ADCY2: variants seen among roughly 807,000 people sequenced by gnomAD.
ADCY2 encodes adenylate cyclase type 2.
ADCY2 carries 31 observed loss-of-function variants against 125.2 expected under a neutral mutation model. That is an observed-to-expected ratio of 0.25 (90% CI 0.19 to 0.33). The LOEUF is 0.33. Among genes scored for constraint, ADCY2 ranks in the 10% least tolerant of loss-of-function variants. The pLI, the probability that ADCY2 is intolerant of heterozygous loss-of-function variation, is 1.00. For missense variants in ADCY2, 904 were observed against 1,418.2 expected, an observed-to-expected ratio of 0.64 and a Z score of 5.82; for synonymous variants, 512 against 548.4, an observed-to-expected ratio of 0.93 and a Z score of 0.93.
chr5:7,805,672 G>A (rs1026098594), intron 22 of ADCY2, among the ~76,000 whole-genome samples: 1 of 152,104 alleles, frequency 6.6e-6, no homozygotes, highest in Non-Finnish European at 1.5e-5. Context: ...TACCATGTAT[G>A]AGCCCCTCTC....
intron 4 of ADCY2, among the ~76,000 whole-genome samples, chr5:7,660,239 A>AGAAGGAAAGAAGGAAG (rs1459400217): frequency 3.0e-4 from 30 of 101,330 alleles, no homozygotes; most frequent in African/African-American, 1.1e-3. Context: ...AGGGAGGGAG[A>AGAAGGAAAGAAGGAAG]GAAGGAAGGA....
chr5:7,580,221 A>C (rs144299639), intron 3 of ADCY2, among the ~76,000 whole-genome samples: 100 of 152,302 alleles, frequency 6.6e-4, no homozygotes, highest in Non-Finnish European at 1.1e-3. Context: ...CATGTAAAAA[A>C]ACAAAAACCT....
At chr5:7,542,390 A>G (rs73046398) in intron 3 of ADCY2, among the ~76,000 whole-genome samples, 3,047 of 152,232 alleles carry the variant, frequency 0.02, 101 homozygotes, top group African/African-American at 0.07. Flanking sequence ...CTTCGAGGCC[A>G]TTGAGCCATT....
intron 3 of ADCY2, among the ~76,000 whole-genome samples, chr5:7,548,098 C>A (rs886458781): frequency 6.6e-6 from 1 of 152,172 alleles, no homozygotes; most frequent in Non-Finnish European, 1.5e-5. Context: ...TGAATCTGAG[C>A]GGCATTTGTG....
intron 4 of ADCY2, among the ~76,000 whole-genome samples, chr5:7,685,808 G>T (rs545706664): frequency 6.6e-6 from 1 of 152,264 alleles, no homozygotes; most frequent in South Asian, 2.1e-4. Context: ...TGTGTTGATG[G>T]ACAACTAGCT....
chr5:7,614,849 T>A (rs1737697015), intron 3 of ADCY2, among the ~76,000 whole-genome samples: 1 of 152,214 alleles, frequency 6.6e-6, no homozygotes, highest in Non-Finnish European at 1.5e-5. Context: ...CAGTAACACC[T>A]TTCTCCAGGT....
At chr5:7,662,683 G>A (rs191000100) in intron 4 of ADCY2, among the ~76,000 whole-genome samples, 6 of 152,312 alleles carry the variant, frequency 3.9e-5, no homozygotes, top group East Asian at 1.9e-4. Flanking sequence ...CAAAGCCACC[G>A]CGGTTTCCTC....
chr5:7,808,033 G>A (rs368972474), intron 22 of ADCY2, among the ~76,000 whole-genome samples: 27 of 152,258 alleles, frequency 1.8e-4, no homozygotes, highest in East Asian at 5.8e-4. Context: ...AGTTTACCGA[G>A]GTGATTCTGA....
chr5:7,436,935 G>A (rs1196871693), intron 2 of ADCY2, among the ~76,000 whole-genome samples: 1 of 152,168 alleles, frequency 6.6e-6, no homozygotes, highest in African/African-American at 2.4e-5. Context: ...ATGCTGAGTG[G>A]TGTGAAATCA....
At chr5:7,737,938 C>A (rs1207764530) in intron 14 of ADCY2, among the ~76,000 whole-genome samples, 2 of 152,082 alleles carry the variant, frequency 1.3e-5, no homozygotes, top group African/African-American at 2.4e-5. Flanking sequence ...AAACATTCAA[C>A]TCAAATATTC....
At chr5:7,634,418 G>A (rs528331333) in intron 4 of ADCY2, among the ~76,000 whole-genome samples, 1 of 152,188 alleles carries the variant, frequency 6.6e-6, no homozygotes, top group East Asian at 1.9e-4. Context: ...TTTTATCCTA[G>A]AACTTCTGTA....
At chr5:7,674,059 G>A (rs1309503178) in intron 4 of ADCY2, among the ~76,000 whole-genome samples, 1 of 106,714 alleles carries the variant, frequency 9.4e-6, no homozygotes, top group Non-Finnish European at 1.9e-5. Flanking sequence ...AGGGGCCTCA[G>A]AGGGTAGGGT....
intron 5 of ADCY2, among the ~76,000 whole-genome samples, chr5:7,693,405 TG>T (rs1740772685): frequency 1.5e-5 from 1 of 65,160 alleles, no homozygotes; most frequent in East Asian, 7.5e-4. Flanking sequence ...AATTGCCTGC[TG>T]TTTTTTGTTT....
Position 7,765,544 on chromosome 5 carries a change from G to A in ADCY2, c.2095-1143G>A, listed in dbSNP as rs547560883. Among the ~76,000 whole-genome samples the A allele has an allele frequency of 3.9e-5, 6 of 152,114 alleles. No individual in the cohort carries two copies. The South Asian group carries it at 1.0e-3, about 26-fold the overall frequency. On this transcript the variant is annotated intron_variant, in intron 16 of 24. Transcript: ENST00000338316. ...TATAACGGCAGAAATACCGTATCTC[G>A]TATCTCTATTGACTGTGAGAGGAAT...
intron 4 of ADCY2, among the ~76,000 whole-genome samples, chr5:7,672,969 C>G (rs1739982691): frequency 1.3e-5 from 2 of 151,996 alleles, no homozygotes; most frequent in African/African-American, 4.8e-5. Context: ...GACTCTGCCT[C>G]TTTCCTCTGA....
intron 8 of ADCY2, among the ~76,000 whole-genome samples, chr5:7,707,375 T>C (rs1376606057): frequency 2.0e-5 from 3 of 152,184 alleles, no homozygotes; most frequent in Non-Finnish European, 2.9e-5. Flanking sequence ...GTCTACATTA[T>C]TATACAGATT....
intron 2 of ADCY2, among the ~76,000 whole-genome samples, chr5:7,444,363 C>G (rs1441642759): frequency 6.6e-6 from 1 of 152,050 alleles, no homozygotes; most frequent in East Asian, 1.9e-4. Context: ...GATCCTCCCG[C>G]CTCGGCCTCC....
At chr5:7,800,510 A>T (rs912861199) in intron 20 of ADCY2, 1 of 152,188 alleles carries the variant, frequency 6.6e-6, no homozygotes. Context: ...AAAATAAAAA[A>T]AATTAGCTGG....
chr5:7,410,522 C>A (rs1739667208), intron 1 of ADCY2, among the ~76,000 whole-genome samples: 1 of 151,996 alleles, frequency 6.6e-6, no homozygotes, highest in Non-Finnish European at 1.5e-5. Flanking sequence ...GGATAAAATG[C>A]TTAGAGTGGA....
Sources: gnomAD v4.1 joint callset for allele counts (sites outside exome capture counted in the v4.1 genomes callset) on GRCh38, gnomAD v4.1.1 for gene constraint, MANE v1.5 for transcripts, NCBI Gene and HGNC (gene_info 2026-07-23, HGNC 2026-07-21) for gene names.